The following MYO18B variants were observed in gnomAD, a reference collection of about 807,000 sequenced individuals.
MYO18B encodes myosin XVIIIB.
A neutral mutation model predicts 273.0 loss-of-function variants in MYO18B; 204 were observed. The observed-to-expected ratio is 0.75, with a 90% CI of 0.67 to 0.84. MYO18B has a LOEUF of 0.84. Ranked by LOEUF, MYO18B falls within the 40% of genes least tolerant of loss-of-function variation. The probability of loss-of-function intolerance (pLI) is 0.00; values close to 1 mark genes in which losing one functional copy is unlikely to be tolerated. For missense variants in MYO18B, 3,212 were observed against 3,287.6 expected (o/e 0.98, Z 0.56); for synonymous variants, 1,330 against 1,305.7 (o/e 1.02, Z -0.40).
intron 42 of MYO18B, among the ~76,000 whole-genome samples, chr22:26,022,157 G>T (rs1027384259): frequency 1.9e-4 from 29 of 151,674 alleles, no homozygotes; most frequent in Non-Finnish European, 3.1e-4. Flanking sequence ...CCTCTCCCTG[G>T]CCCAGGCTCT....
intron 11 of MYO18B, among the ~76,000 whole-genome samples, chr22:25,791,969 CTT>C (rs1358686736): frequency 6.6e-6 from 1 of 152,212 alleles, no homozygotes; most frequent in Non-Finnish European, 1.5e-5. Context: ...GTTGGCCTGA[CTT>C]TAAATTTGGT....
At chr22:25,814,044 A>C (rs1051401474) in intron 12 of MYO18B, among the ~76,000 whole-genome samples, 1 of 152,138 alleles carries the variant, frequency 6.6e-6, no homozygotes, top group African/African-American at 2.4e-5. Context: ...TAAACAATTA[A>C]ATATTTTTTA....
chr22:25,760,411 C>G (rs1318461615), intron 1 of MYO18B, among the ~76,000 whole-genome samples: 1 of 61,104 alleles, frequency 1.6e-5, no homozygotes, highest in African/African-American at 6.9e-5. Context: ...GACTCCATCT[C>G]AAAAAAAAAA....
At chr22:25,858,773 A>G (rs2090646504) in intron 21 of MYO18B, among the ~76,000 whole-genome samples, 1 of 152,194 alleles carries the variant, frequency 6.6e-6, no homozygotes, top group South Asian at 2.1e-4. Flanking sequence ...CTGAGGTGTA[A>G]TGTTGACTTA....
At chr22:25,963,178 T>TCTCACACACA (rs774304270) in intron 39 of MYO18B, among the ~76,000 whole-genome samples, 83 of 144,174 alleles carry the variant, frequency 5.8e-4, no homozygotes, top group African/African-American at 1.8e-3. Context: ...TCTCTCTCTC[T>TCTCACACACA]CACACACACA....
At chr22:26,034,315 GCCTGGCC>G (rs1936736038), downstream of MYO18B, among the ~76,000 whole-genome samples, 1 of 152,182 alleles carries the variant, frequency 6.6e-6, no homozygotes, top group Non-Finnish European at 1.5e-5. Context: ...TATCAACATG[GCCTGGCC>G]CCTGGCCTGG....
At chr22:25,756,822 A>G (rs542987030) in intron 1 of MYO18B, among the ~76,000 whole-genome samples, 15 of 152,316 alleles carry the variant, frequency 9.8e-5, no homozygotes, top group Admixed American at 9.8e-4. Flanking sequence ...GCACTTTGGG[A>G]GGCCGAGGCA....
intron 34 of MYO18B, among the ~76,000 whole-genome samples, chr22:25,942,963 A>C (rs577877304): frequency 2.0e-5 from 3 of 152,224 alleles, no homozygotes; most frequent in Admixed American, 2.0e-4. Flanking sequence ...TGCCATCTAT[A>C]AAATGGGGAT....
Position 26,027,625 on chromosome 22 carries a change from G to A in MYO18B, c.7651G>A (p.Gly2551Arg). 1.9e-6 allele frequency: 3 copies of A among 1,613,850 alleles called. No individual in the cohort carries two copies. The highest frequency in any genetic ancestry group is 2.2e-5 in the East Asian group (1 of 44,854). The change falls in exon 43 of 44, where the codon GGG (glycine) becomes AGG (arginine). Residue 2551 changes from glycine (G) to arginine (R), a missense_variant. Physicochemically the swap from Gly to Arg is moderately radical, Grantham distance 125. Coordinates refer to ENST00000335473, the MANE Select transcript of MYO18B (RefSeq NM_032608.7). This position sits in a 1 kb window ranked among gnomAD's most constrained non-coding sequence, Gnocchi z 4.1. ...TSPERREPGT[G>R]RKDDDVASIM... ...CCCCGAGCGGAGAGAGCCAGGGACG[G>A]GGAGGAAAGACGACGATGTTGCGAG...
chr22:26,028,749 G>C (rs568433001), intron 43 of MYO18B, among the ~76,000 whole-genome samples: 1 of 152,068 alleles, frequency 6.6e-6, no homozygotes, highest in African/African-American at 2.4e-5. Context: ...ATAGCAGAGC[G>C]TGGTAGCGGG....
chr22:25,990,523 T>TA (rs2093253706), intron 39 of MYO18B, among the ~76,000 whole-genome samples: 3 of 151,658 alleles, frequency 2.0e-5, no homozygotes, highest in South Asian at 4.2e-4. Flanking sequence ...CCATCTCTGC[T>TA]AAAAAATACA....
chr22:26,029,361 C>T (rs1029191521), intron 43 of MYO18B, among the ~76,000 whole-genome samples: 2 of 152,212 alleles, frequency 1.3e-5, no homozygotes, highest in Admixed American at 1.3e-4. Flanking sequence ...CATCAAAAAG[C>T]CATTGCCCCT....
intron 21 of MYO18B, among the ~76,000 whole-genome samples, chr22:25,857,994 C>T (rs1180769534): frequency 6.6e-6 from 1 of 152,222 alleles, no homozygotes; most frequent in Non-Finnish European, 1.5e-5. Context: ...GTTTTCCACT[C>T]AATTTTAATC....
At chr22:25,963,933 T>C (rs2092948211) in intron 39 of MYO18B, 1 of 152,224 alleles carries the variant, frequency 6.6e-6, no homozygotes, top group South Asian at 2.1e-4. Context: ...TATCATATTC[T>C]ACCAGCTCCA....
intron 21 of MYO18B, among the ~76,000 whole-genome samples, chr22:25,867,256 G>A (rs962785096): frequency 3.3e-5 from 5 of 152,098 alleles, no homozygotes; most frequent in African/African-American, 9.7e-5. Context: ...AAACTGAAAC[G>A]TTATACCCGT....
In MYO18B at chr22:25,785,412, C is replaced by T. The variant is rs2145685518; in HGVS notation, c.2313-16C>T. 6.2e-7 allele frequency: 1 copy of T among 1,601,228 alleles called. No homozygotes were observed. The highest frequency in any genetic ancestry group is 8.5e-7 in the Non-Finnish European group (1 of 1,174,210). ...TGGACAGCCCCCCTGACTCCTGGTT[C>T]CTTCTGTGCTTCCAGGACGGAGCTG... On this transcript the variant is annotated splice_polypyrimidine_tract_variant and intron_variant, in intron 10 of 43. Coordinates refer to ENST00000335473, the MANE Select transcript of MYO18B (RefSeq NM_032608.7).
At chr22:25,858,185 T>A (rs746643959) in intron 21 of MYO18B, among the ~76,000 whole-genome samples, 7 of 152,170 alleles carry the variant, frequency 4.6e-5, no homozygotes, top group Admixed American at 2.6e-4. Flanking sequence ...TGATTTAGAG[T>A]CAGATAGACT....
intron 15 of MYO18B, among the ~76,000 whole-genome samples, chr22:25,832,085 T>C (rs1013901675): frequency 6.6e-6 from 1 of 151,304 alleles, no homozygotes; most frequent in Non-Finnish European, 1.5e-5. Context: ...ATGGCTACTA[T>C]TAAAAAAAAT....
At chr22:26,047,042 T>G in the MYO18B span, among the ~76,000 whole-genome samples, 1 of 150,750 alleles carries the variant, frequency 6.6e-6, no homozygotes, top group African/African-American at 2.4e-5. Flanking sequence ...TTACAAGAGG[T>G]GAAAGGGGAG....
Sources: allele counts gnomAD v4.1 joint callset (sites outside exome capture counted in the v4.1 genomes callset), GRCh38; gene constraint gnomAD v4.1.1; non-coding constraint Gnocchi (gnomAD v3.1); transcripts MANE v1.5; gene names NCBI Gene and HGNC (gene_info 2026-07-23, HGNC 2026-07-21).